The following CNTNAP2 variants were observed in gnomAD, a reference collection of about 807,000 sequenced individuals.
The protein encoded by CNTNAP2 is contactin associated protein 2.
CNTNAP2 carries 98 observed loss-of-function variants against 155.2 expected under a neutral mutation model. The observed-to-expected ratio is 0.63, with a 90% CI of 0.54 to 0.75. The LOEUF is 0.75. CNTNAP2 is among the 30% of genes least tolerant of loss of function. The pLI is 0.00. For missense variants in CNTNAP2, 1,727 were observed against 1,688.1 expected, an observed-to-expected ratio of 1.02 and a Z score of -0.40; for synonymous variants, 651 against 631.2, an observed-to-expected ratio of 1.03 and a Z score of -0.47.
At chr7:146,235,775 C>T (rs1799463013) in intron 1 of CNTNAP2, among the ~76,000 whole-genome samples, 1 of 152,124 alleles carries the variant, frequency 6.6e-6, no homozygotes, top group African/African-American at 2.4e-5. Context: ...ATGGATAGAG[C>T]ATGACAGTTC....
At chr7:147,492,554 G>A (rs1798628051) in intron 11 of CNTNAP2, among the ~76,000 whole-genome samples, 1 of 152,118 alleles carries the variant, frequency 6.6e-6, no homozygotes, top group Non-Finnish European at 1.5e-5. Flanking sequence ...TTGCTACAGG[G>A]AAGTTATGGA....
rs570520093 is a variant in CNTNAP2, at chr7:146,296,789, G to A, written c.97+179816G>A. ...TCCTGTCACCTAAATCTAAAATACC[G>A]AGATCCAGATGAAATGAAAGAGTGC... On this transcript the variant is annotated intron_variant, in intron 1 of 23. Coordinates refer to ENST00000361727, the MANE Select transcript of CNTNAP2 (RefSeq NM_014141.6). Among the ~76,000 whole-genome samples the A allele has an allele frequency of 2.1e-3, 314 of 151,972 alleles. 3 individuals carry two copies. Among genetic ancestry groups the A allele is most frequent in the African/African-American group, 7.1e-3 (294 of 41,448 alleles).
chr7:148,317,627 G>A (rs554147323), intron 21 of CNTNAP2, among the ~76,000 whole-genome samples: 145 of 152,266 alleles, frequency 9.5e-4, no homozygotes, highest in African/African-American at 3.1e-3. Context: ...TAGAGCCCAC[G>A]TGGGATTCAC....
intron 15 of CNTNAP2, among the ~76,000 whole-genome samples, chr7:148,063,291 C>A (rs544249747): frequency 1.3e-5 from 2 of 152,040 alleles, no homozygotes; most frequent in South Asian, 4.2e-4. Flanking sequence ...TATGATATAC[C>A]TCAGTGTAGT....
intron 13 of CNTNAP2, among the ~76,000 whole-genome samples, chr7:147,710,047 T>C (rs888870713): frequency 6.6e-5 from 10 of 152,136 alleles, no homozygotes; most frequent in Non-Finnish European, 8.8e-5. Flanking sequence ...GTTTGTACAG[T>C]GTACAAAATT....
intron 21 of CNTNAP2, among the ~76,000 whole-genome samples, chr7:148,295,099 A>G (rs1797257477): frequency 6.6e-6 from 1 of 152,196 alleles, no homozygotes; most frequent in African/African-American, 2.4e-5. Context: ...AATTCTTTTA[A>G]AAATCCATTA....
At chr7:147,646,551 A>G (rs1795366450) in intron 13 of CNTNAP2, among the ~76,000 whole-genome samples, 1 of 152,186 alleles carries the variant, frequency 6.6e-6, no homozygotes, top group Admixed American at 6.5e-5. Flanking sequence ...ATCAGAAAAC[A>G]TATAGTCAAG....
At chr7:148,237,745 G>C (rs1796068535) in intron 20 of CNTNAP2, among the ~76,000 whole-genome samples, 1 of 152,220 alleles carries the variant, frequency 6.6e-6, no homozygotes, top group African/African-American at 2.4e-5. Flanking sequence ...GCAGCAAAAT[G>C]AGAGTAATTC....
At chr7:147,776,312 T>C (rs1212782591) in intron 13 of CNTNAP2, among the ~76,000 whole-genome samples, 3 of 143,098 alleles carry the variant, frequency 2.1e-5, no homozygotes, top group Non-Finnish European at 4.5e-5. Flanking sequence ...AGGGTAAAGG[T>C]AGAAAGGCCC....
intron 15 of CNTNAP2, among the ~76,000 whole-genome samples, chr7:148,106,979 T>A (rs1391904324): frequency 6.6e-6 from 1 of 152,066 alleles, no homozygotes; most frequent in African/African-American, 2.4e-5. Flanking sequence ...AGACCTAGGA[T>A]TACTCAGGCA....
intron 1 of CNTNAP2, among the ~76,000 whole-genome samples, chr7:146,333,665 T>TA (rs991338827): frequency 6.6e-6 from 1 of 152,204 alleles, no homozygotes; most frequent in African/African-American, 2.4e-5. Context: ...CAACAAGTGT[T>TA]AAAAAATAAA....
intron 4 of CNTNAP2, among the ~76,000 whole-genome samples, chr7:147,075,204 ATTGT>A (rs988150677): frequency 3.9e-5 from 6 of 152,300 alleles, no homozygotes; most frequent in African/African-American, 7.2e-5. Context: ...ATTTATGTAA[ATTGT>A]TTGTACTTTG....
intron 8 of CNTNAP2, among the ~76,000 whole-genome samples, chr7:147,200,215 A>G (rs1802895002): frequency 1.3e-5 from 2 of 152,140 alleles, no homozygotes; most frequent in Non-Finnish European, 2.9e-5. Flanking sequence ...CCATGAAAGC[A>G]TCTTGAAACT....
chr7:146,443,622 A>T (rs1315457614), intron 1 of CNTNAP2, among the ~76,000 whole-genome samples: 1 of 152,266 alleles, frequency 6.6e-6, no homozygotes, highest in Non-Finnish European at 1.5e-5. Flanking sequence ...TCATTTTGTA[A>T]CAAAGGCTAT....
At chr7:148,331,573 T>C (rs62637534) in intron 21 of CNTNAP2, among the ~76,000 whole-genome samples, 137 of 5,716 alleles carry the variant, frequency 0.024, no homozygotes, top group Admixed American at 0.15. Context: ...ATGGAGTGGA[T>C]GGATGGAATG....
chr7:148,213,374 G>A (rs1562996752), intron 18 of CNTNAP2, among the ~76,000 whole-genome samples: 1 of 152,142 alleles, frequency 6.6e-6, no homozygotes, highest in Non-Finnish European at 1.5e-5. Context: ...CTGACAGGTG[G>A]AAGCTGAGGT....
rs1795228287 is a variant in CNTNAP2 at position 148,193,266 on chromosome 7, T to C, written c.3010+20788T>C. Among the ~76,000 whole-genome samples, 5 of 152,158 alleles carry C rather than the reference T, an allele frequency of 3.3e-5. No individual in the cohort carries two copies. In the South Asian group the frequency reaches 1.0e-3, roughly 32 times the overall value. ...AGGGAGGTAAAGATATTAGAGTCCA[T>C]CTCCACTCCACTCCCCACAGATAAG... On this transcript the variant is annotated intron_variant, in intron 18 of 23. Coordinates refer to ENST00000361727, the MANE Select transcript of CNTNAP2 (RefSeq NM_014141.6).
At chr7:147,908,732 T>C (rs1009714055) in intron 14 of CNTNAP2, among the ~76,000 whole-genome samples, 4 of 152,222 alleles carry the variant, frequency 2.6e-5, no homozygotes, top group African/African-American at 7.2e-5. Flanking sequence ...TTTGTTGTAA[T>C]GTCAGGGTAA....
At chr7:146,137,367 T>A (rs2116749518) in intron 1 of CNTNAP2, among the ~76,000 whole-genome samples, 1 of 152,320 alleles carries the variant, frequency 6.6e-6, no homozygotes, top group South Asian at 2.1e-4. Context: ...ATCTACTTAT[T>A]TCATCTGCCA....
Sources: allele counts gnomAD v4.1 joint callset (sites outside exome capture counted in the v4.1 genomes callset), GRCh38; gene constraint gnomAD v4.1.1; transcripts MANE v1.5; gene names NCBI Gene and HGNC (gene_info 2026-07-23, HGNC 2026-07-21).